Variants in CYFIP2 observed in about 807,000 individuals in gnomAD.
The protein encoded by CYFIP2 is cytoplasmic FMR1-interacting protein 2.
A neutral mutation model predicts 158.7 loss-of-function variants in CYFIP2; 29 were observed. The observed-to-expected ratio is 0.18, with a 90% confidence interval of 0.14 to 0.25. The LOEUF is 0.25. Ranked by LOEUF, CYFIP2 falls within the 10% of genes least tolerant of loss-of-function variation. The pLI is 1.00. For synonymous variants in CYFIP2, 585 were observed against 617.6 expected (o/e 0.95, Z 0.78); for missense variants, 852 against 1,639.5 (o/e 0.52, Z 8.29).
intron 23 of CYFIP2, among the ~76,000 whole-genome samples, chr5:157,346,169 T>A (rs1361875197): frequency 2.0e-5 from 3 of 152,138 alleles, no homozygotes; most frequent in Non-Finnish European, 4.4e-5. Flanking sequence ...CCATCATCTG[T>A]AAAGCTGTGG....
Position 157,361,959 on chromosome 5 carries a change from C to T in CYFIP2, c.3039+361C>T, listed in dbSNP as rs1422267220. On this transcript the variant is annotated intron_variant, in intron 26 of 30. Coordinates refer to ENST00000620254, the MANE Select transcript of CYFIP2 (RefSeq NM_001037333.3). This position sits in a 1 kb window ranked among gnomAD's most constrained non-coding sequence, Gnocchi z 4.4. ...AGTTCTCTCTTAACACCCCACCTCT[C>T]CAATGGCTTGCAAACAAGGGTTTTT... Among the ~76,000 whole-genome samples the T allele has an allele frequency of 6.6e-6, 1 of 152,164 alleles. No individual in the cohort carries two copies. The highest frequency in any genetic ancestry group is 6.5e-5 in the Admixed American group (1 of 15,278).
At chr5:157,312,804 G>A (rs1214571333) in intron 11 of CYFIP2, among the ~76,000 whole-genome samples, 1 of 152,198 alleles carries the variant, frequency 6.6e-6, no homozygotes, top group Non-Finnish European at 1.5e-5. Context: ...CTAAATATAT[G>A]TACCAATCCG....
rs183395044 is a variant in CYFIP2 at position 157,280,200 on chromosome 5, T to G, written c.-23-5139T>G. 9.1e-4 allele frequency among the ~76,000 whole-genome samples: 138 copies of G among 151,532 alleles called. 1 individual carries two copies. Among genetic ancestry groups the G allele is most frequent in the African/African-American group, 2.8e-3 (117 of 41,298 alleles). ...TGGTTATTCTGGTAAATGAGTATTT[T>G]TGTGTGTGTGTGTGTGATGAAGTTT... is the stretch of plus-strand genomic sequence containing the variant. On this transcript the variant is annotated intron_variant, in intron 1 of 30. Transcript: ENST00000620254.
At chr5:157,329,400 G>A (rs73304158) in intron 19 of CYFIP2, among the ~76,000 whole-genome samples, 2,687 of 152,098 alleles carry the variant, frequency 0.018, 85 homozygotes, top group African/African-American at 0.062. Flanking sequence ...CAGACATATG[G>A]GCTTTTATCT....
At position 157,319,917 on chromosome 5, in the gene CYFIP2, T is replaced by C; in HGVS notation, c.1512T>C (p.Asn504=). 1 of 1,613,978 alleles carries C rather than the reference T, an allele frequency of 6.2e-7. No individual in the cohort carries two copies. Among genetic ancestry groups the C allele is most frequent in the Non-Finnish European group, 8.5e-7 (1 of 1,179,840 alleles). ...GGCAGGCGGTACGGAAGAAGAAGAA[T>C]GTCCTCATCAGGTGGGTTTTCAGAT... is the stretch of plus-strand genomic sequence containing the variant. ...PLRQAVRKKK[N]VLISVLQAIR... The change falls in exon 14 of 31, where the codon AAT becomes AAC. Residue 504 remains asparagine, a synonymous_variant. Transcript: ENST00000620254.
chr5:157,359,084 G>C lies in CYFIP2; in HGVS notation c.2753G>C (p.Arg918Thr). 6.2e-7 allele frequency: 1 copy of C among 1,614,022 alleles called. No individual in the cohort carries two copies. Among genetic ancestry groups the C allele is most frequent in the Non-Finnish European group, 8.5e-7 (1 of 1,179,890 alleles). ...VGPPHFKTIC[R>T]LLGYQGIAVV... ...CCACCTCATTTCAAGACTATCTGCA[G>C]ACTCCTGGGTTATCAGGGCATCGCT... The change falls in exon 24 of 31, where the codon AGA (arginine) becomes ACA (threonine). Residue 918 changes from arginine to threonine, a missense_variant. Arg to Thr is a moderately conservative substitution (Grantham distance 71). Transcript: ENST00000620254.
At chr5:157,294,230 TC>T (rs1758068840) in intron 3 of CYFIP2, among the ~76,000 whole-genome samples, 1 of 152,200 alleles carries the variant, frequency 6.6e-6, no homozygotes, top group East Asian at 1.9e-4. Flanking sequence ...GCTATTATCA[TC>T]CTTGCTTTAA....
chr5:157,362,273 G>T (rs942113945), intron 26 of CYFIP2, among the ~76,000 whole-genome samples: 1 of 152,172 alleles, frequency 6.6e-6, no homozygotes, highest in East Asian at 1.9e-4. Context: ...CTGGAACTGC[G>T]GTCAGAGTTC....
At chr5:157,380,575 A>T (rs1765950841) in intron 26 of CYFIP2, among the ~76,000 whole-genome samples, 1 of 152,236 alleles carries the variant, frequency 6.6e-6, no homozygotes, top group Admixed American at 6.5e-5. Context: ...TGAGGTCAAC[A>T]TTACCCTAAT....
chr5:157,366,458 TC>T (rs1267083218), intron 26 of CYFIP2, among the ~76,000 whole-genome samples: 1 of 152,216 alleles, frequency 6.6e-6, no homozygotes. Flanking sequence ...AGATGGGCTA[TC>T]CTCTGAAAGT....
rs1484358671 is a variant in CYFIP2 at position 157,266,145 on chromosome 5, G to C, written c.-74G>C. ...GGCAGAGCATCCTGCGCCCCGGCGCGGGGCCCTGCGGTAGCCTCAGGCCCC... is the reference window on the plus strand; with the variant it reads ...GGCAGAGCATCCTGCGCCCCGGCGCCGGGCCCTGCGGTAGCCTCAGGCCCC... On this transcript the variant is annotated 5_prime_UTR_variant, in exon 1 of 31. Coordinates refer to ENST00000620254, the MANE Select transcript of CYFIP2 (RefSeq NM_001037333.3). This position sits in a 1 kb window ranked among gnomAD's most constrained non-coding sequence, Gnocchi z 4.2. The C allele has an allele frequency of 6.6e-6, 1 of 150,634 alleles. No homozygotes were observed. The highest frequency in any genetic ancestry group is 1.9e-4 in the East Asian group (1 of 5,160). 9.3% of individuals were successfully genotyped at this position (150,634 alleles called of 1,614,324 possible). A position where few individuals can be genotyped will look rare whatever the true frequency, so the allele number is the denominator to read the frequency against.
intron 30 of CYFIP2, among the ~76,000 whole-genome samples, chr5:157,391,726 C>A (rs1767307908): frequency 1.3e-5 from 2 of 152,168 alleles, no homozygotes; most frequent in African/African-American, 4.8e-5. Flanking sequence ...ATTTTGGCTA[C>A]CATGAAACAT....
intron 26 of CYFIP2, among the ~76,000 whole-genome samples, chr5:157,369,883 T>TGTTTTTTTTTG (rs748472608): frequency 1.5e-5 from 2 of 137,476 alleles, no homozygotes; most frequent in African/African-American, 5.5e-5. Flanking sequence ...GACCTAGTTT[T>TGTTTTTTTTTG]TTTTTTTTTT....
At chr5:157,270,906 C>G (rs1313461700) in intron 1 of CYFIP2, among the ~76,000 whole-genome samples, 1 of 152,146 alleles carries the variant, frequency 6.6e-6, no homozygotes. Flanking sequence ...TGGTGTGTGC[C>G]TATCTCTGTG....
In CYFIP2 at chr5:157,360,209, A is replaced by C. The variant is rs899024949; in HGVS notation, c.2818-73A>C. On this transcript the variant is annotated intron_variant, in intron 24 of 30. Coordinates refer to ENST00000620254, the MANE Select transcript of CYFIP2 (RefSeq NM_001037333.3). ...GCAAGAGCCTGCCCCATCCTCTCAG[A>C]GGTCTCAGCATAACCTCCATACCCC... The C allele has an allele frequency of 3.2e-6, 4 of 1,245,586 alleles. No individual in the cohort carries two copies. The East Asian group carries it at 9.5e-5, about 30-fold the overall frequency. 77.2% of individuals were successfully genotyped at this position (1,245,586 alleles called of 1,614,324 possible). A position where few individuals can be genotyped will look rare whatever the true frequency, so the allele number is the denominator to read the frequency against.
intron 26 of CYFIP2, chr5:157,364,874 G>A (rs534594713): frequency 6.6e-6 from 1 of 151,940 alleles, no homozygotes; most frequent in South Asian, 2.1e-4. Context: ...ATAGAGGAAA[G>A]GCTGTATAAA....
At chr5:157,310,565 C>T (rs1366093763) in intron 10 of CYFIP2, among the ~76,000 whole-genome samples, 1 of 152,262 alleles carries the variant, frequency 6.6e-6, no homozygotes, top group Non-Finnish European at 1.5e-5. Context: ...CGCTTCATCA[C>T]CCTCTGGCTG....
In CYFIP2 at chr5:157,390,589, G is replaced by C. The variant is rs1445791014; in HGVS notation, c.3515G>C (p.Arg1172Pro). The change falls in exon 30 of 31, where the codon CGC (arginine) becomes CCC (proline). Residue 1172 changes from arginine to proline, a missense_variant. By Grantham distance (103) the Arg-to-Pro change is moderately radical (BLOSUM62 -2). Around this residue, in one of 8 missense-constraint regions of CYFIP2, gnomAD observed 223 missense variants for 381.6 expected, o/e 0.58. Coordinates refer to ENST00000620254, the MANE Select transcript of CYFIP2 (RefSeq NM_001037333.3). ...ATTGTCCTGCTGGGCCAGCAGCGTCGCTTTGACCTGTTCGACTTCTGTTAC... is the reference window on the plus strand; with the variant it reads ...ATTGTCCTGCTGGGCCAGCAGCGTCCCTTTGACCTGTTCGACTTCTGTTAC... ...SIIVLLGQQR[R>P]FDLFDFCYHL... 1 of 1,562,752 alleles carries C rather than the reference G, an allele frequency of 6.4e-7. No individual in the cohort carries two copies. The highest frequency in any genetic ancestry group is 2.4e-5 in the East Asian group (1 of 42,494).
intron 28 of CYFIP2, among the ~76,000 whole-genome samples, 179 bp from the exon 29 acceptor site, chr5:157,389,010 A>G (rs1766985388): frequency 6.6e-6 from 1 of 152,238 alleles, no homozygotes; most frequent in Admixed American, 6.5e-5. Context: ...AAGACTTACC[A>G]TGAAACTTCC....
Sources: allele counts gnomAD v4.1 joint callset (sites outside exome capture counted in the v4.1 genomes callset), GRCh38; gene constraint gnomAD v4.1.1; regional missense constraint gnomAD v4.1.1; non-coding constraint Gnocchi (gnomAD v3.1); transcripts MANE v1.5; gene names NCBI Gene and HGNC (gene_info 2026-07-23, HGNC 2026-07-21).